RHBDL2: variants seen among roughly 807,000 people sequenced by gnomAD.
The protein encoded by RHBDL2 is rhomboid like 2, also known as rhomboid-related protein 2.
RHBDL2 carries 26 observed loss-of-function variants against 31.7 expected under a neutral mutation model. That is an observed-to-expected ratio of 0.82 (90% CI 0.60 to 1.14). The LOEUF (loss-of-function observed/expected upper bound fraction) is 1.14, where lower values mean the gene tolerates loss of function less well. Among genes scored for constraint, RHBDL2 ranks in the 50% most tolerant of loss-of-function variants. RHBDL2 has a pLI of 0.00. For missense variants in RHBDL2, 336 were observed against 364.4 expected (o/e 0.92, Z 0.63); for synonymous variants, 123 against 127.2 (o/e 0.97, Z 0.22).
At chr1:38,927,207 C>A (rs1643387735) in intron 1 of RHBDL2, among the ~76,000 whole-genome samples, 1 of 152,152 alleles carries the variant, frequency 6.6e-6, no homozygotes, top group African/African-American at 2.4e-5. Context: ...GCGGGTGGAT[C>A]ACAAGGTCAG....
At chr1:38,916,698 A>C (rs188854865) in intron 2 of RHBDL2, among the ~76,000 whole-genome samples, 285 of 130,676 alleles carry the variant, frequency 2.2e-3, no homozygotes, top group Middle Eastern at 0.012. Context: ...AAATACAAAA[A>C]AAACAAACAA....
intron 4 of RHBDL2, among the ~76,000 whole-genome samples, chr1:38,908,161 GAAAA>G (rs572425278): frequency 7.2e-5 from 6 of 83,270 alleles, no homozygotes; most frequent in African/African-American, 2.0e-4. Context: ...CTCCAAATTT[GAAAA>G]AAAAAAAAAA....
intron 1 of RHBDL2, among the ~76,000 whole-genome samples, chr1:38,933,394 A>G (rs899249003): frequency 6.6e-6 from 1 of 151,978 alleles, no homozygotes; most frequent in Non-Finnish European, 1.5e-5. Flanking sequence ...CCCCACTTAT[A>G]TTCTCCCAGC....
rs185398820 is a variant in RHBDL2, at chr1:38,912,382, C to T, written c.396-948G>A. The stretch of plus-strand genomic sequence containing the variant: ...GGCCTCCCAAAGTGCTGGGATTACA[C>T]GCATGAGCCACCGCGCCTGGCCCGT... On this transcript the variant is annotated intron_variant, in intron 3 of 7. Transcript: ENST00000372990. Among the ~76,000 whole-genome samples, 390 of 150,510 alleles carry T rather than the reference C, an allele frequency of 2.6e-3. 1 individual carries two copies. Among genetic ancestry groups the T allele is most frequent in the African/African-American group, 8.8e-3 (363 of 41,062 alleles).
In RHBDL2 at chr1:38,896,102, A is replaced by G. The variant is rs369962371; in HGVS notation, c.509-33T>C. The stretch of plus-strand genomic sequence containing the variant: ...AATAAAACACAAAGGATCAGACATG[A>G]CTATACGGATCAGGAAAGATAAATC... On this transcript the variant is annotated intron_variant, in intron 4 of 7. Transcript: ENST00000372990. 1.0e-5 allele frequency: 15 copies of G among 1,448,188 alleles called. No individual in the cohort carries two copies. In the African/African-American group the frequency reaches 1.8e-4, roughly 18 times the overall value. 89.7% of individuals were successfully genotyped at this position (1,448,188 alleles called of 1,614,324 possible).
chr1:38,921,639 T>C (rs919640594), intron 1 of RHBDL2, among the ~76,000 whole-genome samples: 24 of 152,178 alleles, frequency 1.6e-4, no homozygotes, highest in Non-Finnish European at 2.5e-4. Flanking sequence ...AGACATCTTA[T>C]TTTTCTTTTC....
Position 38,888,020 on chromosome 1 carries a change from C to T in RHBDL2, c.675G>A (p.Val225=). ...TATAGAGAGCAAATCCCATGTCCAA[C>T]ACAACTAGAAGGAAAAACACCCTGA... The part of the protein sequence containing the change: ...FRLLIIILII[V]LDMGFALYRR... Residue 225 remains valine (V), a synonymous_variant, in exon 7 of 8, where the codon GTG becomes GTA. Transcript: ENST00000372990. 1 of 1,612,152 alleles carries T rather than the reference C, an allele frequency of 6.2e-7. No individual in the cohort carries two copies. The highest frequency in any genetic ancestry group is 2.2e-5 in the East Asian group (1 of 44,846).
At position 38,911,352 on chromosome 1, in the gene RHBDL2, C is replaced by T. The variant is rs779178413; in HGVS notation, c.478G>A (p.Gly160Arg). 2.5e-6 allele frequency: 4 copies of T among 1,613,798 alleles called. No homozygotes were observed. Among genetic ancestry groups the T allele is most frequent in the Non-Finnish European group, 3.4e-6 (4 of 1,179,836 alleles). Residue 160 changes from glycine (G) to arginine (R), a missense_variant, in exon 4 of 8, where the codon GGG becomes AGG. Gly to Arg is a moderately radical substitution (Grantham distance 125, BLOSUM62 -2). Coordinates refer to ENST00000372990, the MANE Select transcript of RHBDL2 (RefSeq NM_017821.5). Reference sequence around the variant, plus strand: ...ATCACTCCTGCCAGGTACACCAGCCCCACACGGAGGCCTTTGTGGACCATT... The same window carrying T: ...ATCACTCCTGCCAGGTACACCAGCCTCACACGGAGGCCTTTGTGGACCATT... ...LEMVHKGLRV[G>R]LVYLAGVIAG...
chr1:38,910,861 C>T (rs1361924043), intron 4 of RHBDL2, among the ~76,000 whole-genome samples: 1 of 149,098 alleles, frequency 6.7e-6, no homozygotes, highest in African/African-American at 2.5e-5. Context: ...TCACTGCAAT[C>T]TCCGCCCCCT....
At chr1:38,911,797 T>A (rs897649031) in intron 3 of RHBDL2, among the ~76,000 whole-genome samples, 1 of 151,458 alleles carries the variant, frequency 6.6e-6, no homozygotes, top group Non-Finnish European at 1.5e-5. Context: ...GTGCCACCAC[T>A]CCTGGCTAAT....
rs1054358186 is a variant in RHBDL2, at chr1:38,902,711, C to T, written c.509-6642G>A. ...CTGGGATTACAGGCATAAGCCACCA[C>T]ACCCAGCCTTTGTTATTTTTTTTTA... On this transcript the variant is annotated intron_variant, in intron 4 of 7. Transcript: ENST00000372990. Among the ~76,000 whole-genome samples, 29 of 152,010 alleles carry T rather than the reference C, an allele frequency of 1.9e-4. 1 individual carries two copies.
chr1:38,907,502 C>T (rs958067543), intron 4 of RHBDL2, among the ~76,000 whole-genome samples: 10 of 152,006 alleles, frequency 6.6e-5, no homozygotes, highest in Admixed American at 3.9e-4. Context: ...ATCGCGCCAT[C>T]GCACTTCAGC....
chr1:38,916,214 C>T (rs1369389238), intron 2 of RHBDL2, among the ~76,000 whole-genome samples: 1 of 152,202 alleles, frequency 6.6e-6, no homozygotes, highest in Non-Finnish European at 1.5e-5. Context: ...ATGTCCTCAA[C>T]CTTCTGAGGC....
intron 3 of RHBDL2, among the ~76,000 whole-genome samples, chr1:38,912,932 G>C (rs536430074): frequency 8.1e-5 from 10 of 123,754 alleles, no homozygotes; most frequent in African/African-American, 3.1e-4. Context: ...GTGTGTGTGT[G>C]TGTGTGTGTG....
At chr1:38,907,965 T>G (rs1643089115) in intron 4 of RHBDL2, among the ~76,000 whole-genome samples, 1 of 151,820 alleles carries the variant, frequency 6.6e-6, no homozygotes, top group South Asian at 2.1e-4. Context: ...ACAGACTGGG[T>G]GAAAATATTT....
intron 1 of RHBDL2, among the ~76,000 whole-genome samples, chr1:38,931,195 G>A (rs1347247362): frequency 6.6e-6 from 1 of 152,136 alleles, no homozygotes; most frequent in Non-Finnish European, 1.5e-5. Context: ...TAGAGATTTG[G>A]ATTCAGAGGG....
chr1:38,887,913 T>C, intron 7 of RHBDL2, 50 bp downstream of exon 7: 1 of 1,355,452 alleles, frequency 7.4e-7, no homozygotes, highest in Non-Finnish European at 1.0e-6. Context: ...GATAACCCTT[T>C]TTGACAGTAA....
At chr1:38,887,511 G>T (rs972575568) in intron 7 of RHBDL2, among the ~76,000 whole-genome samples, 1 of 152,042 alleles carries the variant, frequency 6.6e-6, no homozygotes, top group African/African-American at 2.4e-5. Flanking sequence ...TGCAACCTCC[G>T]CCTCCCAGAT....
intron 1 of RHBDL2, among the ~76,000 whole-genome samples, chr1:38,940,516 A>G (rs1380935795): frequency 2.0e-5 from 3 of 150,524 alleles, no homozygotes; most frequent in Non-Finnish European, 4.4e-5. Context: ...TCCCTTCACC[A>G]CTCCACCCGT....
Sources: allele counts gnomAD v4.1 joint callset (sites outside exome capture counted in the v4.1 genomes callset), GRCh38; gene constraint gnomAD v4.1.1; transcripts MANE v1.5; gene names NCBI Gene and HGNC (gene_info 2026-07-23, HGNC 2026-07-21).